TTC13: variants seen among roughly 807,000 people sequenced by gnomAD.
TTC13 encodes tetratricopeptide repeat domain 13.
TTC13 carries 62 observed loss-of-function variants against 120.0 expected under a neutral mutation model. That is an observed-to-expected ratio of 0.52 (90% CI 0.42 to 0.64). The LOEUF (loss-of-function observed/expected upper bound fraction) is 0.64. Among genes scored for constraint, TTC13 ranks in the 30% least tolerant of loss-of-function variants. The probability of loss-of-function intolerance (pLI) is 0.00; values close to 1 mark genes in which losing one functional copy is unlikely to be tolerated. For missense variants in TTC13, 824 were observed against 1,050.2 expected, an observed-to-expected ratio of 0.78 and a Z score of 2.98; for synonymous variants, 384 against 393.5, an observed-to-expected ratio of 0.98 and a Z score of 0.28.
At chr1:230,947,238 G>A (rs772230179) in intron 4 of TTC13, among the ~76,000 whole-genome samples, 94 of 152,142 alleles carry the variant, frequency 6.2e-4, no homozygotes, top group Admixed American at 9.8e-4. Flanking sequence ...ATTCTTCCTG[G>A]CTTAAAGGAA....
At chr1:230,956,232 G>A (rs1436111754) in intron 3 of TTC13, among the ~76,000 whole-genome samples, 2 of 152,236 alleles carry the variant, frequency 1.3e-5, no homozygotes, top group African/African-American at 2.4e-5. Context: ...CAGGCAGCCC[G>A]GTACGCTGAG....
At chr1:230,932,960 A>AT (rs1673688235) in intron 9 of TTC13, among the ~76,000 whole-genome samples, 1 of 152,122 alleles carries the variant, frequency 6.6e-6, no homozygotes, top group South Asian at 2.1e-4. Flanking sequence ...CCTCCTTTTC[A>AT]TAACACAATA....
chr1:230,950,038 GC>G (rs1675427432), intron 4 of TTC13, among the ~76,000 whole-genome samples: 1 of 152,078 alleles, frequency 6.6e-6, no homozygotes, highest in Non-Finnish European at 1.5e-5. Flanking sequence ...CTAGTATTAA[GC>G]CTTCCTAAAT....
chr1:230,976,370 A>C (rs748039061), intron 1 of TTC13, among the ~76,000 whole-genome samples: 5 of 152,204 alleles, frequency 3.3e-5, no homozygotes, highest in Non-Finnish European at 5.9e-5. Context: ...GAAGAAATGA[A>C]ACAGGTTTCA....
chr1:230,939,482 G>A lies in TTC13; in HGVS notation c.804C>T (p.Ala268=), dbSNP rs746358349. 1 of 1,608,834 alleles carries A rather than the reference G, an allele frequency of 6.2e-7. No homozygotes were observed. Among genetic ancestry groups the A allele is most frequent in the Non-Finnish European group, 8.5e-7 (1 of 1,176,242 alleles). Residue 268 remains alanine, a synonymous_variant, in exon 8 of 23, where the codon GCC becomes GCT. Coordinates refer to ENST00000366661, the MANE Select transcript of TTC13 (RefSeq NM_024525.5). ...LYFISEDYAT[A]HEDFQQSLEL... ...CTAAGGACTGCTGAAAGTCTTCATG[G>A]GCTGTTGCATAGTCCTACAAAAAGG...
chr1:230,927,026 T>C (rs1315643064), intron 12 of TTC13, among the ~76,000 whole-genome samples: 1 of 152,250 alleles, frequency 6.6e-6, no homozygotes, highest in Non-Finnish European at 1.5e-5. Flanking sequence ...TTGCTGCTTT[T>C]ATTCAACATT....
intron 3 of TTC13, among the ~76,000 whole-genome samples, chr1:230,954,932 G>A (rs151015276): frequency 9.2e-5 from 14 of 152,114 alleles, no homozygotes; most frequent in African/African-American, 3.1e-4. Flanking sequence ...CCACTATAAC[G>A]CAATGACAGT....
Position 230,924,922 on chromosome 1 carries a change from G to A in TTC13, c.1640C>T (p.Thr547Ile), listed in dbSNP as rs1672919804. 6.2e-7 allele frequency: 1 copy of A among 1,614,120 alleles called. No homozygotes were observed. The highest frequency in any genetic ancestry group is 8.5e-7 in the Non-Finnish European group (1 of 1,180,032). ...EVMQAVQRTW[T>I]NSKVRMNGKT... Reference sequence around the variant, plus strand: ...CCCATTCATTCGAACTTTCGAGTTGGTCCATGTACGCTGCACGGCTTGCAT... The same window carrying A: ...CCCATTCATTCGAACTTTCGAGTTGATCCATGTACGCTGCACGGCTTGCAT... Residue 547 changes from threonine to isoleucine, a missense_variant, in exon 14 of 23, where the codon ACC (threonine) becomes ATC (isoleucine). Physicochemically the swap from Thr to Ile is moderately conservative, Grantham distance 89 (BLOSUM62 -1). Around this residue, in one of 4 missense-constraint regions of TTC13, gnomAD observed 430 missense variants for 626.8 expected, o/e 0.69. Transcript: ENST00000366661.
intron 1 of TTC13, among the ~76,000 whole-genome samples, chr1:230,969,057 G>A (rs900547440): frequency 1.6e-4 from 25 of 152,054 alleles, no homozygotes; most frequent in African/African-American, 5.6e-4. Flanking sequence ...GGCGGATCAC[G>A]AGGTCAGGAG....
chr1:230,908,843 C>A, intron 21 of TTC13, 52 bp from the exon 22 acceptor site: 1 of 1,605,328 alleles, frequency 6.2e-7, no homozygotes, highest in South Asian at 1.1e-5. Context: ...GACACAGGCT[C>A]GGCTGGAGAT....
chr1:230,920,716 G>A (rs1672504922), intron 16 of TTC13, 122 bp from the exon 17 acceptor site: 2 of 538,020 alleles, frequency 3.7e-6, no homozygotes, highest in Non-Finnish European at 6.2e-6. Context: ...CATTCAAAAT[G>A]GTAGGCCACA....
intron 18 of TTC13, among the ~76,000 whole-genome samples, chr1:230,914,529 G>T (rs1671832051): frequency 6.6e-6 from 1 of 152,028 alleles, no homozygotes; most frequent in Non-Finnish European, 1.5e-5. Flanking sequence ...AGAGTAGCTG[G>T]AATTACAGGT....
At chr1:230,948,422 C>T (rs1158538174) in intron 4 of TTC13, among the ~76,000 whole-genome samples, 3 of 105,330 alleles carry the variant, frequency 2.8e-5, no homozygotes, top group Admixed American at 1.0e-4. Flanking sequence ...AAAAAGGTAA[C>T]ATCTAAATGG....
chr1:230,915,314 G>A (rs191300789), intron 18 of TTC13, among the ~76,000 whole-genome samples: 2 of 151,874 alleles, frequency 1.3e-5, no homozygotes, highest in Non-Finnish European at 2.9e-5. Context: ...GGAGGGCATG[G>A]CACTTCCCAA....
chr1:230,972,255 A>G (rs1677840965), intron 1 of TTC13, among the ~76,000 whole-genome samples: 2 of 152,236 alleles, frequency 1.3e-5, no homozygotes, highest in Admixed American at 1.3e-4. Context: ...GACTATCGGC[A>G]ATCTTAAAAA....
At position 230,940,158 on chromosome 1, in the gene TTC13, T is replaced by C. The variant is rs1674409327; in HGVS notation, c.789+282A>G. ...CCTATGAGGACATTTGCGAGAAAGA[T>C]TGACATACAATCCACAAACTAAATT... On this transcript the variant is annotated intron_variant, in intron 7 of 22. Coordinates refer to ENST00000366661, the MANE Select transcript of TTC13 (RefSeq NM_024525.5). This position sits in a 1 kb window ranked among gnomAD's most constrained non-coding sequence, Gnocchi z 4.1. 6.6e-6 allele frequency among the ~76,000 whole-genome samples: 1 copy of C among 152,222 alleles called. No homozygotes were observed. The highest frequency in any genetic ancestry group is 2.4e-5 in the African/African-American group (1 of 41,458).
intron 8 of TTC13, among the ~76,000 whole-genome samples, chr1:230,939,005 C>G (rs1422026100): frequency 1.3e-5 from 2 of 152,176 alleles, no homozygotes; most frequent in African/African-American, 2.4e-5. Context: ...ACCTCCACCC[C>G]CTAATCCTAC....
At chr1:230,959,450 C>T (rs909793527) in intron 2 of TTC13, among the ~76,000 whole-genome samples, 3 of 151,736 alleles carry the variant, frequency 2.0e-5, no homozygotes, top group Non-Finnish European at 2.9e-5. Context: ...GGCACGATCT[C>T]GGCTCACCAC....
chr1:230,938,291 A>T (rs1674249997), intron 8 of TTC13, among the ~76,000 whole-genome samples: 1 of 152,074 alleles, frequency 6.6e-6, no homozygotes, highest in Non-Finnish European at 1.5e-5. Flanking sequence ...GGTAGCTTGG[A>T]TATGTCCTGT....
Sources: gnomAD v4.1 joint callset for allele counts (sites outside exome capture counted in the v4.1 genomes callset) on GRCh38, gnomAD v4.1.1 for gene constraint, gnomAD v4.1.1 regional missense constraint, Gnocchi (gnomAD v3.1) non-coding constraint, MANE v1.5 for transcripts, NCBI Gene and HGNC (gene_info 2026-07-23, HGNC 2026-07-21) for gene names.